The following ELAC2 variants were observed in gnomAD, a reference collection of about 807,000 sequenced individuals.
ELAC2 encodes the protein elaC ribonuclease Z 2, also known as zinc phosphodiesterase ELAC protein 2.
ELAC2 carries 92 observed loss-of-function variants against 105.2 expected under a neutral mutation model. That is an observed-to-expected ratio of 0.87 (90% CI 0.74 to 1.04). The LOEUF (loss-of-function observed/expected upper bound fraction) is 1.04, where lower values mean the gene tolerates loss of function less well. Ranked by LOEUF, ELAC2 falls within the 50% of genes least tolerant of loss-of-function variation. The pLI, the probability that ELAC2 is intolerant of heterozygous loss-of-function variation, is 0.00. For synonymous variants in ELAC2, 468 were observed against 409.1 expected (o/e 1.14, Z -1.74); for missense variants, 1,099 against 1,071.7 (o/e 1.03, Z -0.36).
chr17:13,008,762 T>G (rs1469006290), intron 8 of ELAC2, among the ~76,000 whole-genome samples: 1 of 152,172 alleles, frequency 6.6e-6, no homozygotes, highest in African/African-American at 2.4e-5. Flanking sequence ...TCAGCTTTAT[T>G]GCTTTCCAAA....
chr17:13,017,480 GA>G, intron 1 of ELAC2: 2 of 976,922 alleles, frequency 2.0e-6, no homozygotes, highest in Non-Finnish European at 2.9e-6. Flanking sequence ...CAAGGGTTGG[GA>G]AAAGGACGCT....
At chr17:13,003,730 C>G in intron 11 of ELAC2, 156 bp from the exon 12 acceptor site, 1 of 674,126 alleles carries the variant, frequency 1.5e-6, no homozygotes, top group Non-Finnish European at 2.6e-6. Context: ...GCAGGCTGCT[C>G]ACGGCAGACC....
chr17:13,017,507 A>C (rs2041811027), intron 1 of ELAC2, 196 bp downstream of exon 1: 2 of 1,180,926 alleles, frequency 1.7e-6, no homozygotes, highest in Admixed American at 5.2e-5. Context: ...CCAGGCCTGA[A>C]GTTCTTCACA....
chr17:13,016,784 G>T, intron 3 of ELAC2, 78 bp downstream of exon 3: 6 of 1,309,190 alleles, frequency 4.6e-6, no homozygotes, highest in Non-Finnish European at 6.6e-6. Context: ...GCCCACCCCA[G>T]ACTTGGAAAA....
chr17:12,995,850 A>C, intron 18 of ELAC2, 38 bp from the exon 19 acceptor site: 1 of 1,589,260 alleles, frequency 6.3e-7, no homozygotes, highest in Non-Finnish European at 8.6e-7. Flanking sequence ...CGACGACAGA[A>C]CATCTCAATA....
At chr17:12,997,070 ACT>A (rs1567747089) in intron 16 of ELAC2, among the ~76,000 whole-genome samples, 1 of 151,458 alleles carries the variant, frequency 6.6e-6, no homozygotes, top group South Asian at 2.1e-4. Context: ...GCCATATGAG[ACT>A]CTTTCTAGGT....
At chr17:13,016,606 G>A (rs903225517) in intron 3 of ELAC2, among the ~76,000 whole-genome samples, 5 of 151,820 alleles carry the variant, frequency 3.3e-5, no homozygotes, top group Non-Finnish European at 5.9e-5. Flanking sequence ...GCAAAACCCC[G>A]TCGCTACAAA....
rs1555570450 is a variant in ELAC2, at chr17:12,991,864, C to CTTACT, written c.*949_*953dup. On this transcript the variant is annotated 3_prime_UTR_variant, in exon 24 of 24. Coordinates refer to ENST00000338034, the MANE Select transcript of ELAC2 (RefSeq NM_018127.7). ...TAGATTCAACTTACTTACTTACTTA[C>CTTACT]TTACTTTACTTACTTACTTCCTTGG... Among the ~76,000 whole-genome samples the CTTACT allele has an allele frequency of 4.3e-4, 54 of 126,912 alleles. No individual in the cohort carries two copies. The highest frequency in any genetic ancestry group is 0.011 in the Middle Eastern group (2 of 190). 83.3% of individuals were successfully genotyped at this position (126,912 alleles called of 152,430 possible).
intron 3 of ELAC2, among the ~76,000 whole-genome samples, chr17:13,016,577 G>C (rs2041732966): frequency 6.6e-6 from 1 of 151,826 alleles, no homozygotes; most frequent in Non-Finnish European, 1.5e-5. Flanking sequence ...AGAAGTTTGA[G>C]ACCAGCCTGG....
intron 15 of ELAC2, 73 bp downstream of exon 15, chr17:13,000,083 C>T: frequency 7.1e-7 from 1 of 1,418,124 alleles, no homozygotes; most frequent in Non-Finnish European, 9.9e-7. Flanking sequence ...ACCAGCACTC[C>T]ACTTAATGCT....
intron 8 of ELAC2, among the ~76,000 whole-genome samples, chr17:13,007,599 T>C (rs1229233578): frequency 1.3e-5 from 2 of 152,138 alleles, no homozygotes; most frequent in Non-Finnish European, 2.9e-5. Context: ...TACTTGCTGT[T>C]GGGGGCAGTG....
intron 8 of ELAC2, among the ~76,000 whole-genome samples, chr17:13,009,881 T>TATAGGTGCTGA (rs1290317729): frequency 2.0e-5 from 3 of 150,678 alleles, no homozygotes; most frequent in African/African-American, 7.3e-5. Context: ...CCTAGCTACT[T>TATAGGTGCTGA]GGGAGGCTGA....
intron 15 of ELAC2, among the ~76,000 whole-genome samples, chr17:12,999,432 G>A (rs1366778009): frequency 2.0e-5 from 3 of 152,326 alleles, no homozygotes; most frequent in South Asian, 2.1e-4. Context: ...AGGGAGACCC[G>A]ATGGTTCCAA....
chr17:13,011,663 C>T lies in ELAC2; in HGVS notation c.679G>A (p.Gly227Ser). The T allele has an allele frequency of 6.2e-7, 1 of 1,614,156 alleles. No individual in the cohort carries two copies. The highest frequency in any genetic ancestry group is 8.5e-7 in the Non-Finnish European group (1 of 1,180,034). ...SNENEPHLPH[G>S]VSQRRGVRDS... The stretch of plus-strand genomic sequence containing the variant: ...TGCTCTGTTTTGTTTATACTATTAC[C>T]ATGTGGAAGGTGTGGCTCATTTTCA... Residue 227 changes from glycine (G) to serine (S), a missense_variant and splice_region_variant, in exon 7 of 24, where the codon GGT becomes AGT. Gly to Ser is a moderately conservative substitution (Grantham distance 56). Coordinates refer to ENST00000338034, the MANE Select transcript of ELAC2 (RefSeq NM_018127.7).
At chr17:13,005,720 T>C in intron 10 of ELAC2, 33 bp downstream of exon 10, 1 of 1,600,658 alleles carries the variant, frequency 6.2e-7, no homozygotes, top group Non-Finnish European at 8.5e-7. Context: ...ACCCTACCTG[T>C]AACTGCTGAA....
rs2143598474 is a variant in ELAC2 at position 13,001,374 on chromosome 17, T to C, written c.1304+900A>G. Among the ~76,000 whole-genome samples the C allele has an allele frequency of 1.3e-5, 2 of 152,126 alleles. 1 individual carries two copies. The highest frequency in any genetic ancestry group is 4.2e-4 in the South Asian group (2 of 4,812). On this transcript the variant is annotated intron_variant, in intron 14 of 23. Transcript: ENST00000338034. Reference sequence around the variant, plus strand: ...GGGCGTGGTAGCAGGCGCCTGTAATTCCAGCTATTCGGGAGGCTGGGGCAG... The same window carrying C: ...GGGCGTGGTAGCAGGCGCCTGTAATCCCAGCTATTCGGGAGGCTGGGGCAG...
rs118159570 is a variant in ELAC2 at position 13,009,456 on chromosome 17, T to C, written c.738+1157A>G. On this transcript the variant is annotated intron_variant, in intron 8 of 23. Transcript: ENST00000338034. ...CCACTAGTCAGATCTTACAAACAGC[T>C]TATTGTAACAAAAATTTTTAATGGA... Among the ~76,000 whole-genome samples, 730 of 152,330 alleles carry C rather than the reference T, an allele frequency of 4.8e-3. 2 individuals are homozygous for C. Among genetic ancestry groups the C allele is most frequent in the Non-Finnish European group, 7.0e-3 (478 of 68,022 alleles).
At chr17:13,011,623 C>T (rs764889655) in intron 7 of ELAC2, 40 bp downstream of exon 7, 15 of 1,613,962 alleles carry the variant, frequency 9.3e-6, no homozygotes, top group South Asian at 8.8e-5. Flanking sequence ...ATTAAGAAAA[C>T]GCAAGCCTTT....
chr17:12,994,367 G>A, intron 22 of ELAC2, 58 bp downstream of exon 22: 1 of 1,590,098 alleles, frequency 6.3e-7, no homozygotes, highest in African/African-American at 1.3e-5. Context: ...GCTGCTCAGT[G>A]TCACGTAGTG....
Sources: allele counts gnomAD v4.1 joint callset (sites outside exome capture counted in the v4.1 genomes callset), GRCh38; gene constraint gnomAD v4.1.1; transcripts MANE v1.5; gene names NCBI Gene and HGNC (gene_info 2026-07-23, HGNC 2026-07-21).